The following LMBRD1 variants were observed in gnomAD, a reference collection of about 807,000 sequenced individuals.
LMBRD1 encodes lysosomal cobalamin transport escort protein LMBD1.
In LMBRD1, 64 loss-of-function variants were observed where a neutral mutation model predicts 74.8. The ratio of observed to expected loss-of-function variants is 0.86; its 90% CI spans 0.70 to 1.05. LMBRD1 has a LOEUF of 1.05. Among genes scored for constraint, LMBRD1 ranks in the 50% least tolerant of loss-of-function variants. The probability of loss-of-function intolerance (pLI) is 0.00; values close to 1 mark genes in which losing one functional copy is unlikely to be tolerated. For synonymous variants in LMBRD1, 204 were observed against 216.3 expected, an observed-to-expected ratio of 0.94 and a Z score of 0.50; for missense variants, 652 against 645.9, an observed-to-expected ratio of 1.01 and a Z score of -0.10.
intron 2 of LMBRD1, among the ~76,000 whole-genome samples, chr6:69,788,666 A>G (rs1035690186): frequency 2.0e-5 from 3 of 152,222 alleles, no homozygotes; most frequent in African/African-American, 7.2e-5. Flanking sequence ...GAGAAAACCC[A>G]ATGACACCAG....
intron 8 of LMBRD1, among the ~76,000 whole-genome samples, chr6:69,715,760 C>G (rs763558132): frequency 6.6e-6 from 1 of 152,000 alleles, no homozygotes; most frequent in Non-Finnish European, 1.5e-5. Context: ...TTTTCCTGAT[C>G]TTCTCCCTCC....
chr6:69,691,151 T>TTA (rs1477517742), intron 14 of LMBRD1, among the ~76,000 whole-genome samples: 1 of 150,118 alleles, frequency 6.7e-6, no homozygotes, highest in Admixed American at 6.6e-5. Context: ...CTCTCTCTCT[T>TTA]TTTTTTTTTA....
At chr6:69,694,995 T>A (rs1224886003) in intron 14 of LMBRD1, among the ~76,000 whole-genome samples, 1 of 152,150 alleles carries the variant, frequency 6.6e-6, no homozygotes, top group African/African-American at 2.4e-5. Flanking sequence ...GAGATAATTA[T>A]ACAGATATGC....
In LMBRD1 at chr6:69,735,846, C is replaced by T. The variant is rs377712819; in HGVS notation, c.636+2096G>A. The stretch of plus-strand genomic sequence containing the variant: ...ACTGTGGACTATAAAGCTCACATGA[C>T]ATGGCCTCTTGCTACCTCTCAATGA... On this transcript the variant is annotated intron_variant, in intron 7 of 15. Transcript: ENST00000649934. 2.4e-3 allele frequency among the ~76,000 whole-genome samples: 368 copies of T among 152,296 alleles called. 2 individuals are homozygous for T. The highest frequency in any genetic ancestry group is 8.4e-3 in the African/African-American group (348 of 41,560).
At chr6:69,711,552 GGA>G (rs1288163738) in intron 9 of LMBRD1, among the ~76,000 whole-genome samples, 2 of 152,078 alleles carry the variant, frequency 1.3e-5, no homozygotes, top group African/African-American at 4.8e-5. Context: ...AAATAAAGCT[GGA>G]GAGAGTTTCA....
chr6:69,748,596 GAA>G (rs1044637865), intron 5 of LMBRD1, among the ~76,000 whole-genome samples: 1 of 151,866 alleles, frequency 6.6e-6, no homozygotes, highest in Non-Finnish European at 1.5e-5. Context: ...TTTATTTATG[GAA>G]AGTTATTTAT....
At chr6:69,760,761 T>C (rs1346159754) in intron 3 of LMBRD1, among the ~76,000 whole-genome samples, 1 of 152,174 alleles carries the variant, frequency 6.6e-6, no homozygotes, top group East Asian at 1.9e-4. Flanking sequence ...CTGGCTTCCA[T>C]CTTATTGCTG....
At chr6:69,695,231 G>C in intron 14 of LMBRD1, among the ~76,000 whole-genome samples, 1 of 151,068 alleles carries the variant, frequency 6.6e-6, no homozygotes, top group Non-Finnish European at 1.5e-5. Flanking sequence ...CATTATCCCT[G>C]AAGTCTCTCC....
chr6:69,724,348 T>A (rs1339563016), intron 7 of LMBRD1, among the ~76,000 whole-genome samples: 256 of 122,126 alleles, frequency 2.1e-3, no homozygotes, highest in African/African-American at 5.6e-3. Context: ...AAGACACATT[T>A]AAAAAAAAAA....
intron 5 of LMBRD1, chr6:69,746,050 A>C (rs1767221561): frequency 4.7e-6 from 1 of 212,668 alleles, no homozygotes; most frequent in Non-Finnish European, 1.0e-5. Context: ...GGCACTGTCA[A>C]GGCTGAGAAC....
intron 1 of LMBRD1, among the ~76,000 whole-genome samples, chr6:69,795,865 CA>C (rs1338249336): frequency 6.6e-6 from 1 of 152,136 alleles, no homozygotes; most frequent in Non-Finnish European, 1.5e-5. Flanking sequence ...CTGGATCTGA[CA>C]ATTAAAGTAA....
At chr6:69,722,017 G>A (rs1173162378) in intron 7 of LMBRD1, among the ~76,000 whole-genome samples, 2 of 152,174 alleles carry the variant, frequency 1.3e-5, no homozygotes, top group Non-Finnish European at 2.9e-5. Context: ...TTGTATTGTG[G>A]TGGTGTGAAT....
chr6:69,760,468 A>G (rs148256777), intron 3 of LMBRD1, among the ~76,000 whole-genome samples: 19 of 152,328 alleles, frequency 1.2e-4, no homozygotes, highest in African/African-American at 4.3e-4. Flanking sequence ...CAGGAAAAAC[A>G]CAGGAGACTT....
chr6:69,781,054 T>G (rs1314275291), intron 2 of LMBRD1, among the ~76,000 whole-genome samples: 1 of 152,146 alleles, frequency 6.6e-6, no homozygotes, highest in Non-Finnish European at 1.5e-5. Context: ...CTAAGGGCAA[T>G]GGAAAATAGT....
chr6:69,720,842 G>C (rs972282563), intron 7 of LMBRD1, among the ~76,000 whole-genome samples: 1 of 152,166 alleles, frequency 6.6e-6, no homozygotes, highest in African/African-American at 2.4e-5. Flanking sequence ...GGTCAGGAGA[G>C]ACAGTCTTGA....
intron 9 of LMBRD1, among the ~76,000 whole-genome samples, chr6:69,708,963 A>G (rs4706283): frequency 0.37 from 56,350 of 151,884 alleles, 10,928 homozygotes; most frequent in East Asian, 0.54. Flanking sequence ...AGCTGGGCGT[A>G]GTGGCTCAAG....
chr6:69,749,056 A>C (rs543077970), intron 5 of LMBRD1, among the ~76,000 whole-genome samples: 3 of 152,060 alleles, frequency 2.0e-5, no homozygotes, highest in African/African-American at 7.2e-5. Flanking sequence ...GCAGATTACC[A>C]AGAATTATAT....
chr6:69,688,434 A>C (rs749027930), intron 14 of LMBRD1, among the ~76,000 whole-genome samples: 13 of 147,756 alleles, frequency 8.8e-5, no homozygotes, highest in Non-Finnish European at 1.6e-4. Context: ...ATCCATTGTT[A>C]GTGACAATGT....
chr6:69,703,844 T>C (rs1007046241), intron 9 of LMBRD1, among the ~76,000 whole-genome samples: 1 of 152,148 alleles, frequency 6.6e-6, no homozygotes, highest in African/African-American at 2.4e-5. Context: ...TTTAACATGT[T>C]ACCTTATCAT....
Sources: gnomAD v4.1 joint callset for allele counts (sites outside exome capture counted in the v4.1 genomes callset) on GRCh38, gnomAD v4.1.1 for gene constraint, MANE v1.5 for transcripts, NCBI Gene and HGNC (gene_info 2026-07-23, HGNC 2026-07-21) for gene names.